SGK1: variants seen among roughly 807,000 people sequenced by gnomAD.
The protein encoded by SGK1 is serum/glucocorticoid regulated kinase 1.
A neutral mutation model predicts 64.2 loss-of-function variants in SGK1; 26 were observed. That is an observed-to-expected ratio of 0.40 (90% confidence interval 0.30 to 0.56). The LOEUF (loss-of-function observed/expected upper bound fraction) is 0.56. Ranked by LOEUF, SGK1 falls within the 20% of genes least tolerant of loss-of-function variation. The pLI is 0.38. For missense variants in SGK1, 519 were observed against 645.6 expected (o/e 0.80, Z 2.12); for synonymous variants, 265 against 239.7 (o/e 1.11, Z -0.98).
intron 2 of SGK1, among the ~76,000 whole-genome samples, chr6:134,222,243 A>G (rs1776100836): frequency 6.6e-6 from 1 of 152,022 alleles, no homozygotes; most frequent in African/African-American, 2.4e-5. Flanking sequence ...GACTTCTGAC[A>G]TTGCATTTCA....
At chr6:134,207,511 A>G (rs1775812998) in intron 2 of SGK1, 80 bp from the exon 3 acceptor site, 2 of 963,992 alleles carry the variant, frequency 2.1e-6, no homozygotes, top group Non-Finnish European at 1.6e-6. Flanking sequence ...GTTCTAGAGA[A>G]AGGATTCCAA....
chr6:134,313,627 A>AT (rs1219827030), intron 1 of SGK1, among the ~76,000 whole-genome samples: 1 of 151,816 alleles, frequency 6.6e-6, no homozygotes, highest in African/African-American at 2.4e-5. Flanking sequence ...TTGACAGGTG[A>AT]TTTACCACAG....
chr6:134,175,541 T>TACCC (rs1310890769), intron 3 of SGK1: 2 of 1,510,404 alleles, frequency 1.3e-6, no homozygotes, highest in Non-Finnish European at 1.8e-6. Flanking sequence ...CGGCGGCGCT[T>TACCC]ACCCAGTCCG....
intron 13 of SGK1, 80 bp from the exon 14 acceptor site, chr6:134,170,515 T>C (rs1463788348): frequency 2.9e-6 from 4 of 1,357,866 alleles, no homozygotes; most frequent in Non-Finnish European, 4.1e-6. Context: ...AGGCTTTAAA[T>C]ACCAAGTTTA....
intron 2 of SGK1, among the ~76,000 whole-genome samples, chr6:134,252,628 A>AC (rs1237925362): frequency 6.6e-6 from 1 of 150,948 alleles, no homozygotes; most frequent in Non-Finnish European, 1.5e-5. Flanking sequence ...AAAAAAAAAA[A>AC]AAAAAAAAAA....
chr6:134,246,488 A>C (rs1776526724), intron 2 of SGK1, among the ~76,000 whole-genome samples: 1 of 151,974 alleles, frequency 6.6e-6, no homozygotes, highest in East Asian at 1.9e-4. Flanking sequence ...TTGGGAAAAA[A>C]GGGTGAAGAT....
intron 2 of SGK1, among the ~76,000 whole-genome samples, chr6:134,219,760 CAA>C (rs55704631): frequency 4.1e-5 from 5 of 122,408 alleles, no homozygotes; most frequent in Non-Finnish European, 6.4e-5. Context: ...AACTCTGTCT[CAA>C]AAAAAAAAAA....
chr6:134,288,203 C>G (rs558487538), intron 1 of SGK1, among the ~76,000 whole-genome samples: 1 of 152,256 alleles, frequency 6.6e-6, no homozygotes, highest in East Asian at 1.9e-4. Context: ...GAGATATTGC[C>G]CTATGGGAAG....
chr6:134,226,361 T>C (rs1179268539), intron 2 of SGK1, among the ~76,000 whole-genome samples: 1 of 151,718 alleles, frequency 6.6e-6, no homozygotes, highest in Non-Finnish European at 1.5e-5. Flanking sequence ...AAGGTGTTTT[T>C]TTTTCTTTTA....
chr6:134,171,008 G>A lies in SGK1; in HGVS notation c.1323+15C>T, dbSNP rs1775001209. The A allele has an allele frequency of 6.2e-7, 1 of 1,613,872 alleles. No individual in the cohort carries two copies. Among genetic ancestry groups the A allele is most frequent in the Non-Finnish European group, 8.5e-7 (1 of 1,179,888 alleles). ...CGTCCCGGCCGGCCCAGGAGGACAG[G>A]AAAACATCACTCACGAAGTCATCCT... On this transcript the variant is annotated intron_variant, in intron 12 of 13. Transcript: ENST00000367858.
At chr6:134,212,015 G>A (rs561345211) in intron 2 of SGK1, among the ~76,000 whole-genome samples, 1 of 151,696 alleles carries the variant, frequency 6.6e-6, no homozygotes, top group Non-Finnish European at 1.5e-5. Flanking sequence ...TTGAAATCTG[G>A]GTCCTTGAAA....
chr6:134,208,275 T>C (rs141916327), intron 2 of SGK1, among the ~76,000 whole-genome samples: 163 of 152,298 alleles, frequency 1.1e-3, no homozygotes, highest in African/African-American at 3.8e-3. Context: ...CATGTACATA[T>C]GCAATATGTA....
chr6:134,208,907 T>TATATATAC lies in SGK1; in HGVS notation c.286-1477_286-1476insGTATATAT, dbSNP rs540401467. ...ACATGTATGTGTGTGTATATATATA[T>TATATATAC]ACACACACACGTGTTTTTTTCGTAT... On this transcript the variant is annotated intron_variant, in intron 2 of 13. Coordinates refer to ENST00000367858, the MANE Select transcript of SGK1 (RefSeq NM_001143676.3). Among the ~76,000 whole-genome samples, 584 of 150,666 alleles carry TATATATAC rather than the reference T, an allele frequency of 3.9e-3. 1 individual carries two copies. The highest frequency in any genetic ancestry group is 6.3e-3 in the Non-Finnish European group (426 of 67,686).
At chr6:134,251,798 A>G (rs1776609644) in intron 2 of SGK1, among the ~76,000 whole-genome samples, 1 of 152,172 alleles carries the variant, frequency 6.6e-6, no homozygotes, top group Non-Finnish European at 1.5e-5. Context: ...TCTGTCACCC[A>G]GGCTGGAGTG....
intron 1 of SGK1, among the ~76,000 whole-genome samples, chr6:134,264,348 T>C (rs1384727158): frequency 6.6e-6 from 1 of 152,040 alleles, no homozygotes; most frequent in East Asian, 1.9e-4. Context: ...CTCGATCTCC[T>C]GACCTCATGA....
intron 1 of SGK1, among the ~76,000 whole-genome samples, chr6:134,288,043 A>G (rs1418040549): frequency 2.0e-5 from 3 of 152,178 alleles, no homozygotes; most frequent in Non-Finnish European, 4.4e-5. Context: ...AAGACAAGAG[A>G]TCTCTTGGGA....
intron 2 of SGK1, among the ~76,000 whole-genome samples, chr6:134,220,058 C>CAAAAAAAAA (rs55870107): frequency 2.9e-3 from 176 of 61,366 alleles, no homozygotes; most frequent in African/African-American, 9.6e-3. Context: ...GACTCCGTCT[C>CAAAAAAAAA]AAAAAAAAAA....
chr6:134,273,154 C>T (rs2114761531), intron 1 of SGK1, among the ~76,000 whole-genome samples: 1 of 147,788 alleles, frequency 6.8e-6, no homozygotes, highest in African/African-American at 2.4e-5. Context: ...TGCAGGTAAG[C>T]CCAGTGCTTG....
At chr6:134,308,856 A>G (rs1777571868) in intron 1 of SGK1, among the ~76,000 whole-genome samples, 1 of 152,106 alleles carries the variant, frequency 6.6e-6, no homozygotes, top group African/African-American at 2.4e-5. Flanking sequence ...CGTGCCCGGC[A>G]AGCCTAGGAA....
Sources: allele counts gnomAD v4.1 joint callset (sites outside exome capture counted in the v4.1 genomes callset), GRCh38; gene constraint gnomAD v4.1.1; transcripts MANE v1.5; gene names NCBI Gene and HGNC (gene_info 2026-07-23, HGNC 2026-07-21).